MYG1: variants seen among roughly 807,000 people sequenced by gnomAD.
MYG1 encodes the protein UPF0160 protein MYG1, mitochondrial.
MYG1 carries 36 observed loss-of-function variants against 43.5 expected under a neutral mutation model. The observed-to-expected ratio is 0.83, with a 90% confidence interval of 0.63 to 1.09. The LOEUF (loss-of-function observed/expected upper bound fraction) is 1.09, where lower values mean the gene tolerates loss of function less well. MYG1 is among the 50% of genes least tolerant of loss of function. The pLI, the probability that MYG1 is intolerant of heterozygous loss-of-function variation, is 0.00. For missense variants in MYG1, 529 were observed against 495.1 expected (o/e 1.07, Z -0.65); for synonymous variants, 220 against 202.8 (o/e 1.08, Z -0.72).
intron 3 of MYG1, among the ~76,000 whole-genome samples, chr12:53,304,121 G>A (rs1944251965): frequency 6.6e-6 from 1 of 151,950 alleles, no homozygotes; most frequent in Non-Finnish European, 1.5e-5. Flanking sequence ...GGGATTACAG[G>A]TCTGAGCCAC....
At chr12:53,304,466 G>A (rs921345037) in intron 3 of MYG1, among the ~76,000 whole-genome samples, 1 of 149,828 alleles carries the variant, frequency 6.7e-6, no homozygotes, top group African/African-American at 2.5e-5. Context: ...TTTATTTTTA[G>A]TAGAAACGGG....
At chr12:53,303,324 C>A (rs892514121) in intron 3 of MYG1, 131 bp downstream of exon 3, 1 of 960,352 alleles carries the variant, frequency 1.0e-6, no homozygotes, top group Non-Finnish European at 1.5e-6. Flanking sequence ...AACACTCATC[C>A]TCTCCCTCAG....
At position 53,305,891 on chromosome 12, in the gene MYG1, C is replaced by G; in HGVS notation, c.490-17C>G. On this transcript the variant is annotated splice_polypyrimidine_tract_variant and intron_variant, in intron 3 of 6. Transcript: ENST00000267103. Reference sequence around the variant, plus strand: ...TAGCAGGTAGCCTCAAGAAGGTTTCCCCTGCTGCTGCCTTAGATGTATGAG... The same window carrying G: ...TAGCAGGTAGCCTCAAGAAGGTTTCGCCTGCTGCTGCCTTAGATGTATGAG... The G allele has an allele frequency of 6.4e-7, 1 of 1,569,650 alleles. No homozygotes were observed. Among genetic ancestry groups the G allele is most frequent in the Non-Finnish European group, 8.6e-7 (1 of 1,158,578 alleles).
At chr12:53,303,735 C>G (rs1003677042) in intron 3 of MYG1, 4 of 153,844 alleles carry the variant, frequency 2.6e-5, no homozygotes, top group Non-Finnish European at 4.3e-5. Context: ...CCCTGGCATG[C>G]AAGTCAGGTC....
chr12:53,305,139 A>T (rs1944263735), intron 3 of MYG1, among the ~76,000 whole-genome samples: 2 of 151,906 alleles, frequency 1.3e-5, no homozygotes, highest in Admixed American at 6.6e-5. Context: ...AAGTGCTGGG[A>T]TTACAGGCGT....
intron 2 of MYG1, among the ~76,000 whole-genome samples, chr12:53,301,188 G>A (rs1447984954): frequency 6.6e-6 from 1 of 152,094 alleles, no homozygotes; most frequent in Admixed American, 6.5e-5. Flanking sequence ...AAAGTGCTGG[G>A]ATTACAGGTG....
chr12:53,301,280 AC>A (rs2121057470), intron 2 of MYG1, among the ~76,000 whole-genome samples: 1 of 151,922 alleles, frequency 6.6e-6, no homozygotes, highest in South Asian at 2.1e-4. Context: ...ACAGCCTAAA[AC>A]CCTTCTCAAG....
At position 53,306,673 on chromosome 12, in the gene MYG1, C is replaced by G; in HGVS notation, c.766-7C>G. 1 of 1,611,122 alleles carries G rather than the reference C, an allele frequency of 6.2e-7. No homozygotes were observed. The highest frequency in any genetic ancestry group is 8.5e-7 in the Non-Finnish European group (1 of 1,178,408). On this transcript the variant is annotated splice_region_variant and splice_polypyrimidine_tract_variant and intron_variant, in intron 5 of 6. Coordinates refer to ENST00000267103, the MANE Select transcript of MYG1 (RefSeq NM_021640.4). ...TAAACCTTCTAGCTATGCTCTCCCT[C>G]TTTCAGGTGGACCCAAGTGGAGAGA...
chr12:53,303,189 A>T lies in MYG1; in HGVS notation c.485A>T (p.Asp162Val). Residue 162 changes from aspartate (D) to valine (V), a missense_variant, in exon 3 of 7, where the codon GAC becomes GTC. By Grantham distance (152) the Asp-to-Val change is radical (BLOSUM62 -3). Transcript: ENST00000267103. ...EEDSMVGTLY[D>V]KMYENFVEEV... ...GACAGCATGGTGGGCACCCTCTATGACAAGGTGGGGACCTGAGGACAGAGA... is the reference window on the plus strand; with the variant it reads ...GACAGCATGGTGGGCACCCTCTATGTCAAGGTGGGGACCTGAGGACAGAGA... 1 of 1,613,770 alleles carries T rather than the reference A, an allele frequency of 6.2e-7. No individual in the cohort carries two copies. The highest frequency in any genetic ancestry group is 1.7e-5 in the Admixed American group (1 of 59,980).
At position 53,302,143 on chromosome 12, in the gene MYG1, G is replaced by A. The variant is rs113884875; in HGVS notation, c.330-891G>A. ...ACTACAGGCGTGTGCCACCATGTCC[G>A]GCTAATTTTTCCATTCTTAGTAGAA... On this transcript the variant is annotated intron_variant, in intron 2 of 6. Transcript: ENST00000267103. Among the ~76,000 whole-genome samples the A allele has an allele frequency of 2.3e-3, 354 of 152,154 alleles. 2 individuals carry two copies. The highest frequency in any genetic ancestry group is 7.9e-3 in the African/African-American group (329 of 41,500).
chr12:53,306,818 C>T lies in MYG1; in HGVS notation c.904C>T (p.Arg302Ter), dbSNP rs143979360. 349 of 1,613,892 alleles carry T rather than the reference C, an allele frequency of 2.2e-4. No homozygotes were observed. The highest frequency in any genetic ancestry group is 2.8e-4 in the Non-Finnish European group (331 of 1,179,922). ...CTACACTGACCAGGCTGGACAGTGG[C>T]GAATACAGTGTGTGCCCAAGGAGCC... ...VIYTDQAGQW[R>*]IQCVPKEPHS... Residue 302 changes from arginine (R) to a stop codon, truncating the protein, a stop_gained, in exon 6 of 7, where the codon CGA (arginine) becomes TGA (stop). Coordinates refer to ENST00000267103, the MANE Select transcript of MYG1 (RefSeq NM_021640.4). LOFTEE classifies it high-confidence loss of function.
At chr12:53,301,769 A>G (rs1345637734) in intron 2 of MYG1, among the ~76,000 whole-genome samples, 3 of 150,720 alleles carry the variant, frequency 2.0e-5, no homozygotes, top group Non-Finnish European at 4.4e-5. Flanking sequence ...ACTCACTGCA[A>G]CCTCCGTCTG....
intron 2 of MYG1, 70 bp downstream of exon 2, chr12:53,300,332 C>A: frequency 3.4e-6 from 4 of 1,185,516 alleles, no homozygotes; most frequent in Non-Finnish European, 4.7e-6. Flanking sequence ...ATTCAGCCAT[C>A]CACTGCCGTA....
chr12:53,302,930 C>A, intron 2 of MYG1, 104 bp from the exon 3 acceptor site: 1 of 1,286,624 alleles, frequency 7.8e-7, no homozygotes, highest in Non-Finnish European at 1.1e-6. Context: ...TCTAATAAAA[C>A]ATAAAATGTG....
At position 53,306,735 on chromosome 12, in the gene MYG1, A is replaced by T; in HGVS notation, c.821A>T (p.Glu274Val). The change falls in exon 6 of 7, where the codon GAG (glutamate) becomes GTG (valine). Residue 274 changes from glutamate to valine, a missense_variant. Physicochemically the swap from Glu to Val is moderately radical, Grantham distance 121. Coordinates refer to ENST00000267103, the MANE Select transcript of MYG1 (RefSeq NM_021640.4). ...ELAKGACPWK[E>V]HLYHLESGLS... ...GCGAAAGGTGCATGTCCCTGGAAGGAGCATCTCTACCACCTGGAATCTGGG... is the reference window on the plus strand; with the variant it reads ...GCGAAAGGTGCATGTCCCTGGAAGGTGCATCTCTACCACCTGGAATCTGGG... 6.2e-7 allele frequency: 1 copy of T among 1,614,196 alleles called. No individual in the cohort carries two copies. The highest frequency in any genetic ancestry group is 1.3e-5 in the African/African-American group (1 of 75,050).
intron 5 of MYG1, 107 bp from the exon 6 acceptor site, chr12:53,306,573 G>A: frequency 7.9e-7 from 1 of 1,268,292 alleles, no homozygotes; most frequent in Non-Finnish European, 1.1e-6. Flanking sequence ...CAAATTCCTG[G>A]GCTCAACTGA....
Position 53,300,266 on chromosome 12 carries a change from G to A in MYG1, c.329+4G>A. The A allele has an allele frequency of 6.5e-7, 1 of 1,549,600 alleles. No individual in the cohort carries two copies. The highest frequency in any genetic ancestry group is 8.7e-7 in the Non-Finnish European group (1 of 1,145,162). ...ACCGATATGACCATCACCAGAGGTA[G>A]GTTCTCAGATACCATTTATTTAACT... On this transcript the variant is annotated splice_donor_region_variant and intron_variant, in intron 2 of 6. Coordinates refer to ENST00000267103, the MANE Select transcript of MYG1 (RefSeq NM_021640.4).
chr12:53,300,382 A>T (rs756146586), intron 2 of MYG1, 120 bp downstream of exon 2: 47 of 726,686 alleles, frequency 6.5e-5, no homozygotes, highest in Non-Finnish European at 9.5e-5. Flanking sequence ...CACTGAAATC[A>T]AACTCCCACT....
chr12:53,303,255 T>G, intron 3 of MYG1, 62 bp downstream of exon 3: 1 of 1,574,636 alleles, frequency 6.4e-7, no homozygotes, highest in Non-Finnish European at 8.6e-7. Flanking sequence ...CTGGGAGCAG[T>G]GCTCACACAG....
Sources: allele counts gnomAD v4.1 joint callset (sites outside exome capture counted in the v4.1 genomes callset), GRCh38; gene constraint gnomAD v4.1.1; transcripts MANE v1.5; gene names NCBI Gene and HGNC (gene_info 2026-07-23, HGNC 2026-07-21).